Variants in DIAPH3 observed in about 807,000 individuals in gnomAD.
DIAPH3 encodes protein diaphanous homolog 3.
A neutral mutation model predicts 144.3 loss-of-function variants in DIAPH3; 117 were observed. The ratio of observed to expected loss-of-function variants is 0.81; its 90% CI spans 0.70 to 0.95. The LOEUF (loss-of-function observed/expected upper bound fraction) is 0.95. Ranked by LOEUF, DIAPH3 falls within the 40% of genes least tolerant of loss-of-function variation. The probability of loss-of-function intolerance (pLI) is 0.00; values close to 1 mark genes in which losing one functional copy is unlikely to be tolerated. For synonymous variants in DIAPH3, 519 were observed against 488.9 expected (o/e 1.06, Z -0.81); for missense variants, 1,421 against 1,412.7 (o/e 1.01, Z -0.09).
chr13:60,040,970 T>C lies in DIAPH3; in HGVS notation c.626+1720A>G, dbSNP rs189990921. Among the ~76,000 whole-genome samples, 6 of 152,214 alleles carry C rather than the reference T, an allele frequency of 3.9e-5. No homozygotes were observed. The East Asian group carries it at 7.7e-4, about 20-fold the overall frequency. Reference sequence around the variant, plus strand: ...CTGGGATTACAGGCGTCTGCCACCATGCCTGGCTAATTTTTGTAATTTTAG... The same window carrying C: ...CTGGGATTACAGGCGTCTGCCACCACGCCTGGCTAATTTTTGTAATTTTAG... On this transcript the variant is annotated intron_variant, in intron 5 of 27. Transcript: ENST00000400324.
intron 1 of DIAPH3, 140 bp downstream of exon 1, chr13:60,163,447 G>T: frequency 8.3e-7 from 1 of 1,198,430 alleles, no homozygotes. Context: ...ACTAGACCCG[G>T]TCGTTGTCAA....
chr13:60,068,646 C>A (rs2057070805), intron 4 of DIAPH3, among the ~76,000 whole-genome samples: 1 of 152,170 alleles, frequency 6.6e-6, no homozygotes. Flanking sequence ...TCACCCTCCT[C>A]CCACCCTCCA....
At chr13:60,063,506 T>C (rs1262362071) in intron 4 of DIAPH3, among the ~76,000 whole-genome samples, 1 of 152,224 alleles carries the variant, frequency 6.6e-6, no homozygotes, top group Non-Finnish European at 1.5e-5. Context: ...AGGTTTTCCA[T>C]GAGAGGAGTC....
chr13:59,879,826 T>A (rs1324222371), intron 20 of DIAPH3, among the ~76,000 whole-genome samples: 1 of 152,200 alleles, frequency 6.6e-6, no homozygotes, highest in Middle Eastern at 3.2e-3. Flanking sequence ...ATAATTTTTG[T>A]TCAATACTGC....
chr13:59,967,067 GTTTT>G (rs1290375929), intron 17 of DIAPH3, among the ~76,000 whole-genome samples: 1 of 151,542 alleles, frequency 6.6e-6, no homozygotes, highest in Non-Finnish European at 1.5e-5. Context: ...TTGTTTTTTT[GTTTT>G]TTTGTGTTTT....
intron 3 of DIAPH3, among the ~76,000 whole-genome samples, chr13:60,102,438 T>C (rs1345799822): frequency 3.3e-5 from 5 of 151,634 alleles, no homozygotes; most frequent in Admixed American, 2.6e-4. Flanking sequence ...TTTAAATATT[T>C]GCTAAATAAA....
rs553047443 is a variant in DIAPH3, at chr13:59,797,668, C to T, written c.3163+13120G>A. On this transcript the variant is annotated intron_variant, in intron 25 of 27. Coordinates refer to ENST00000400324, the MANE Select transcript of DIAPH3 (RefSeq NM_001042517.2). ...AGAGCCTTGGAACTGAATGTTTGGG[C>T]TAGTTTTAGATGAAGAGGAAGGAGT... Among the ~76,000 whole-genome samples, 24 of 152,222 alleles carry T rather than the reference C, an allele frequency of 1.6e-4. No homozygotes were observed. In the South Asian group the frequency reaches 2.3e-3, roughly 15 times the overall value.
chr13:59,772,794 G>A (rs2038191711), intron 27 of DIAPH3, among the ~76,000 whole-genome samples: 1 of 151,990 alleles, frequency 6.6e-6, no homozygotes, highest in South Asian at 2.1e-4. Flanking sequence ...ATGACTTAAA[G>A]TGGGGGCTGA....
At chr13:60,084,342 T>G (rs1261686561) in intron 4 of DIAPH3, among the ~76,000 whole-genome samples, 1 of 151,932 alleles carries the variant, frequency 6.6e-6, no homozygotes, top group Non-Finnish European at 1.5e-5. Context: ...CGACAAACGG[T>G]TTTTTTCTTT....
In DIAPH3 at chr13:59,774,770, C is replaced by T; in HGVS notation, c.3217G>A (p.Ala1073Thr). ...CTTTTTCTTCTGTCGCGGAAGGCAG[C>T]CCCGGACTGCAAGGCCTCCAGCAGA... ...DNLLEALQSG[A>T]AFRDRRKRTP... Residue 1073 changes from alanine (A) to threonine (T), a missense_variant, in exon 26 of 28, where the codon GCT becomes ACT. Coordinates refer to ENST00000400324, the MANE Select transcript of DIAPH3 (RefSeq NM_001042517.2). The T allele has an allele frequency of 6.2e-7, 1 of 1,614,170 alleles. No individual in the cohort carries two copies. Among genetic ancestry groups the T allele is most frequent in the South Asian group, 1.1e-5 (1 of 91,088 alleles).
chr13:59,860,062 T>G (rs905583389), intron 22 of DIAPH3, among the ~76,000 whole-genome samples: 1 of 152,168 alleles, frequency 6.6e-6, no homozygotes, highest in African/African-American at 2.4e-5. Context: ...AAATATTTAC[T>G]TCAAGGAAAC....
At chr13:60,156,940 T>TATATATATA (rs58923567) in intron 1 of DIAPH3, among the ~76,000 whole-genome samples, 10 of 27,972 alleles carry the variant, frequency 3.6e-4, no homozygotes, top group Admixed American at 1.0e-3. Context: ...TATATATATA[T>TATATATATA]TTTTTTTTTT....
At chr13:59,961,072 A>G (rs1173321572) in intron 17 of DIAPH3, among the ~76,000 whole-genome samples, 1 of 152,220 alleles carries the variant, frequency 6.6e-6, no homozygotes, top group Non-Finnish European at 1.5e-5. Context: ...CTATTAACAT[A>G]GGTCAGTTAA....
intron 27 of DIAPH3, among the ~76,000 whole-genome samples, chr13:59,769,319 T>C (rs2038006914): frequency 2.0e-5 from 3 of 152,182 alleles, no homozygotes; most frequent in Admixed American, 6.6e-5. Context: ...AAGTCTTCTT[T>C]CAACCTTCGT....
intron 27 of DIAPH3, among the ~76,000 whole-genome samples, chr13:59,724,827 A>G (rs145618767): frequency 0.014 from 2,124 of 152,288 alleles, 29 homozygotes; most frequent in South Asian, 0.021. Context: ...TGTTTACTTT[A>G]ATTCTTCTAT....
chr13:59,966,126 A>G lies in DIAPH3; in HGVS notation c.2074+3818T>C, dbSNP rs545696520. 4.7e-3 allele frequency among the ~76,000 whole-genome samples: 712 copies of G among 152,262 alleles called. 3 individuals are homozygous for G. Among genetic ancestry groups the G allele is most frequent in the South Asian group, 0.026 (124 of 4,826 alleles). ...AAATGATGTAAGTGAATCAGGAAAA[A>G]ATTACTGATTTTTCACAGGAAAAGG... is the stretch of plus-strand genomic sequence containing the variant. On this transcript the variant is annotated intron_variant, in intron 17 of 27. Coordinates refer to ENST00000400324, the MANE Select transcript of DIAPH3 (RefSeq NM_001042517.2).
chr13:59,877,997 CA>C (rs1406250264), intron 21 of DIAPH3, among the ~76,000 whole-genome samples: 4 of 152,224 alleles, frequency 2.6e-5, no homozygotes, highest in African/African-American at 9.6e-5. Flanking sequence ...ACTCTGCTGC[CA>C]TAACTTTTAG....
At position 59,756,436 on chromosome 13, in the gene DIAPH3, GGAAGGAAA is replaced by G. The variant is rs1303076402; in HGVS notation, c.3319+17745_3319+17752del. ...AGGAAGGAAGGAAGGAAGGAAGGAA[GGAAGGAAA>G]GAAGGAAGGAAGGAAGGAAGGAAAG... On this transcript the variant is annotated intron_variant, in intron 27 of 27. Transcript: ENST00000400324. Among the ~76,000 whole-genome samples, 323 of 132,914 alleles carry G rather than the reference GGAAGGAAA, an allele frequency of 2.4e-3. 2 individuals carry two copies. The highest frequency in any genetic ancestry group is 0.014 in the East Asian group (68 of 4,760). 87.2% of individuals were successfully genotyped at this position (132,914 alleles called of 152,430 possible). A position where few individuals can be genotyped will look rare whatever the true frequency, so the allele number is the denominator to read the frequency against.
chr13:59,815,706 G>A (rs138191825), intron 24 of DIAPH3, among the ~76,000 whole-genome samples: 169 of 152,046 alleles, frequency 1.1e-3, no homozygotes, highest in African/African-American at 3.8e-3. Flanking sequence ...TCCTCTCACC[G>A]TAGCCTCCCA....
Sources: gnomAD v4.1 joint callset for allele counts (sites outside exome capture counted in the v4.1 genomes callset) on GRCh38, gnomAD v4.1.1 for gene constraint, MANE v1.5 for transcripts, NCBI Gene and HGNC (gene_info 2026-07-23, HGNC 2026-07-21) for gene names.